The following LCLAT1 variants were observed in gnomAD, a reference collection of about 807,000 sequenced individuals.
LCLAT1 encodes the protein lysocardiolipin acyltransferase 1, also known as 1-AGP acyltransferase 8.
LCLAT1 carries 11 observed loss-of-function variants against 30.7 expected under a neutral mutation model. The ratio of observed to expected loss-of-function variants is 0.36; its 90% CI spans 0.23 to 0.59. LCLAT1 has a LOEUF of 0.59. Among genes scored for constraint, LCLAT1 ranks in the 20% least tolerant of loss-of-function variants. The pLI, the probability that LCLAT1 is intolerant of heterozygous loss-of-function variation, is 0.77. For synonymous variants in LCLAT1, 155 were observed against 151.3 expected, an observed-to-expected ratio of 1.02 and a Z score of -0.18; for missense variants, 402 against 458.6, an observed-to-expected ratio of 0.88 and a Z score of 1.13.
rs1216762462 is a variant in LCLAT1 at position 30,537,771 on chromosome 2, G to GAATATAC, written c.364+4459_364+4465dup. Among the ~76,000 whole-genome samples, 15 of 152,304 alleles carry GAATATAC rather than the reference G, an allele frequency of 9.8e-5. No homozygotes were observed. The East Asian group carries it at 2.9e-3, about 29-fold the overall frequency. On this transcript the variant is annotated intron_variant, in intron 3 of 5. Coordinates refer to ENST00000379509, the MANE Select transcript of LCLAT1 (RefSeq NM_001002257.3). ...ATTTAAATAATATTTAACAGCCACA[G>GAATATAC]AATATACATTATTTTCATCAATTCG... is the stretch of plus-strand genomic sequence containing the variant.
intron 5 of LCLAT1, among the ~76,000 whole-genome samples, chr2:30,615,088 T>A (rs1248877896): frequency 1.3e-5 from 2 of 152,056 alleles, no homozygotes; most frequent in Non-Finnish European, 2.9e-5. Context: ...GCTGTGTAAG[T>A]GAACACAGAG....
intron 5 of LCLAT1, among the ~76,000 whole-genome samples, chr2:30,614,468 G>A (rs935075397): frequency 4.6e-5 from 7 of 152,066 alleles, no homozygotes; most frequent in East Asian, 1.9e-4. Flanking sequence ...TTGATGGGTC[G>A]GGTGTGGAGT....
At chr2:30,519,752 C>T (rs1685382589) in intron 1 of LCLAT1, among the ~76,000 whole-genome samples, 1 of 152,296 alleles carries the variant, frequency 6.6e-6, no homozygotes, top group African/African-American at 2.4e-5. Context: ...GCATTCGAAC[C>T]AGCAGTGGCA....
At chr2:30,590,390 G>A (rs1666637083) in intron 5 of LCLAT1, among the ~76,000 whole-genome samples, 2 of 150,458 alleles carry the variant, frequency 1.3e-5, no homozygotes, top group Non-Finnish European at 3.0e-5. Context: ...CTTTATAGAT[G>A]GCAGGGAAAT....
At chr2:30,474,278 T>G (rs1682941853) in intron 1 of LCLAT1, among the ~76,000 whole-genome samples, 1 of 152,238 alleles carries the variant, frequency 6.6e-6, no homozygotes, top group Non-Finnish European at 1.5e-5. Flanking sequence ...GTCCCTCAGT[T>G]AACCCATAGT....
chr2:30,637,954 G>T (rs1033405373), intron 5 of LCLAT1, among the ~76,000 whole-genome samples: 6 of 152,178 alleles, frequency 3.9e-5, no homozygotes, highest in African/African-American at 1.4e-4. Context: ...GCTTTCTTCA[G>T]TGAGGCTTTC....
intron 5 of LCLAT1, among the ~76,000 whole-genome samples, chr2:30,571,065 A>G (rs562984622): frequency 6.6e-6 from 1 of 152,236 alleles, no homozygotes; most frequent in Admixed American, 6.5e-5. Context: ...CATCATATAG[A>G]TTTATTTGAG....
chr2:30,468,445 A>T (rs1181909022), intron 1 of LCLAT1, among the ~76,000 whole-genome samples: 1 of 152,098 alleles, frequency 6.6e-6, no homozygotes, highest in Non-Finnish European at 1.5e-5. Context: ...AATTAATTGA[A>T]ATTTCCATTG....
At chr2:30,455,799 A>G (rs1412255665) in intron 1 of LCLAT1, among the ~76,000 whole-genome samples, 1 of 150,736 alleles carries the variant, frequency 6.6e-6, no homozygotes, top group Non-Finnish European at 1.5e-5. Flanking sequence ...AGTCCTAGCT[A>G]CTTGGGAGGC....
chr2:30,613,259 G>A (rs1260211597), intron 5 of LCLAT1, among the ~76,000 whole-genome samples: 3 of 152,158 alleles, frequency 2.0e-5, no homozygotes, highest in South Asian at 2.1e-4. Flanking sequence ...GAGAAGGGGT[G>A]AAGGGGGAGG....
intron 1 of LCLAT1, among the ~76,000 whole-genome samples, chr2:30,521,492 CTTTTTTTTTTTTTT>C (rs869093721): frequency 1.8e-4 from 3 of 16,822 alleles, no homozygotes; most frequent in Non-Finnish European, 3.4e-4. Flanking sequence ...ACTACTTCTT[CTTTTTTTTTTTTTT>C]TTTTTTTTTT....
At chr2:30,511,214 C>T (rs1377822175) in intron 1 of LCLAT1, among the ~76,000 whole-genome samples, 1 of 152,042 alleles carries the variant, frequency 6.6e-6, no homozygotes, top group Non-Finnish European at 1.5e-5. Context: ...TTAGGGAATC[C>T]CTCAATGTTT....
rs574682503 is a variant in LCLAT1, at chr2:30,515,781, A to G, written c.-4-9806A>G. ...ATGATACTAAATTGCAGTGTTTTTA[A>G]TTACTTTTCAATCATGGCGTTTTTT... On this transcript the variant is annotated intron_variant, in intron 1 of 5. Coordinates refer to ENST00000379509, the MANE Select transcript of LCLAT1 (RefSeq NM_001002257.3). Among the ~76,000 whole-genome samples the G allele has an allele frequency of 1.8e-3, 279 of 152,338 alleles. 3 individuals are homozygous for G. The highest frequency in any genetic ancestry group is 3.3e-3 in the Non-Finnish European group (224 of 68,020).
Position 30,627,382 on chromosome 2 carries a change from C to A in LCLAT1, c.629-12735C>A, listed in dbSNP as rs74680870. ...TTCGATTTCCCAATAACGAAACTTT[C>A]TTCGCTTTTAGAGGCTGACCCCTCC... On this transcript the variant is annotated intron_variant, in intron 5 of 5. Coordinates refer to ENST00000379509, the MANE Select transcript of LCLAT1 (RefSeq NM_001002257.3). Among the ~76,000 whole-genome samples the A allele has an allele frequency of 1.3e-3, 198 of 152,200 alleles. 3 individuals carry two copies. The East Asian group carries it at 0.016, about 12-fold the overall frequency.
chr2:30,596,358 A>ATTGTGG (rs1666930215), intron 5 of LCLAT1, among the ~76,000 whole-genome samples: 1 of 151,972 alleles, frequency 6.6e-6, no homozygotes, highest in Non-Finnish European at 1.5e-5. Flanking sequence ...ATGGTATCTC[A>ATTGTGG]TTGTGGTTTT....
At chr2:30,622,429 G>C (rs996434675) in intron 5 of LCLAT1, among the ~76,000 whole-genome samples, 1 of 152,100 alleles carries the variant, frequency 6.6e-6, no homozygotes, top group Non-Finnish European at 1.5e-5. Flanking sequence ...GGGCAAACTT[G>C]TATCCTCCCT....
chr2:30,545,491 GTTCTT>G (rs1664358418), intron 3 of LCLAT1, among the ~76,000 whole-genome samples: 1 of 152,078 alleles, frequency 6.6e-6, no homozygotes, highest in Non-Finnish European at 1.5e-5. Context: ...AGAATAGAAA[GTTCTT>G]TTCTTAAAGT....
chr2:30,595,180 C>T (rs767310787), intron 5 of LCLAT1, among the ~76,000 whole-genome samples: 10 of 152,100 alleles, frequency 6.6e-5, no homozygotes, highest in Non-Finnish European at 1.0e-4. Context: ...CAGTCTCTTA[C>T]CTCTTTTCTT....
At chr2:30,568,608 C>T (rs1176231307) in intron 5 of LCLAT1, among the ~76,000 whole-genome samples, 25 of 149,098 alleles carry the variant, frequency 1.7e-4, no homozygotes, top group Non-Finnish European at 2.8e-4. Flanking sequence ...CCCAGGTTCC[C>T]GCCATTCCCC....
Sources: gnomAD v4.1 joint callset for allele counts (sites outside exome capture counted in the v4.1 genomes callset) on GRCh38, gnomAD v4.1.1 for gene constraint, MANE v1.5 for transcripts, NCBI Gene and HGNC (gene_info 2026-07-23, HGNC 2026-07-21) for gene names.